Variants in OSBPL10 observed in about 807,000 individuals in gnomAD.
OSBPL10 encodes oxysterol-binding protein-related protein 10.
In OSBPL10, 49 loss-of-function variants were observed where a neutral mutation model predicts 81.7. The observed-to-expected ratio is 0.60, with a 90% CI of 0.48 to 0.76. The LOEUF is 0.76. Ranked by LOEUF, OSBPL10 falls within the 30% of genes least tolerant of loss-of-function variation. The pLI, the probability that OSBPL10 is intolerant of heterozygous loss-of-function variation, is 0.00. For missense variants in OSBPL10, 923 were observed against 987.8 expected (o/e 0.93, Z 0.88); for synonymous variants, 419 against 383.6 (o/e 1.09, Z -1.08).
At chr3:31,968,556 C>A (rs1168067823) in intron 1 of OSBPL10, among the ~76,000 whole-genome samples, 2 of 151,650 alleles carry the variant, frequency 1.3e-5, no homozygotes, top group Non-Finnish European at 2.9e-5. Context: ...ACTTGATTTC[C>A]CAGATACAAG....
intron 1 of OSBPL10, among the ~76,000 whole-genome samples, chr3:31,954,224 C>A (rs1176664926): frequency 6.6e-6 from 1 of 152,190 alleles, no homozygotes; most frequent in Non-Finnish European, 1.5e-5. Context: ...AGAAAGATGG[C>A]TGCCTGGCCA....
At chr3:32,038,405 C>G (rs1393172718) in intron 2 of OSBPL10, among the ~76,000 whole-genome samples, 1 of 152,176 alleles carries the variant, frequency 6.6e-6, no homozygotes, top group African/African-American at 2.4e-5. Flanking sequence ...AGCACAATCT[C>G]CGGCTCCCGG....
chr3:31,688,308 C>CAA (rs1700850854), intron 7 of OSBPL10, among the ~76,000 whole-genome samples: 1 of 151,308 alleles, frequency 6.6e-6, no homozygotes, highest in African/African-American at 2.4e-5. Context: ...CACACACACA[C>CAA]ACACACACAC....
At position 31,683,812 on chromosome 3, in the gene OSBPL10, C is replaced by A. The variant is rs373301817; in HGVS notation, c.1548G>T (p.Met516Ile). ...RSPASCHEHP[M>I]ADDPSKSYKL... ...TGTAGCTTTTGGAAGGGTCATCGGCCATTGGGTGTTCGTGACAGCTGGCAG... is the reference window on the plus strand; with the variant it reads ...TGTAGCTTTTGGAAGGGTCATCGGCAATTGGGTGTTCGTGACAGCTGGCAG... The change falls in exon 8 of 12, where the codon ATG becomes ATT. Residue 516 changes from methionine (M) to isoleucine (I), a missense_variant. Met to Ile is a conservative substitution (Grantham distance 10). Around this residue, in one of 3 missense-constraint regions of OSBPL10, gnomAD observed 387 missense variants for 436.3 expected, o/e 0.89. Coordinates refer to ENST00000396556, the MANE Select transcript of OSBPL10 (RefSeq NM_017784.5). The A allele has an allele frequency of 7.9e-5, 127 of 1,614,190 alleles. No homozygotes were observed. The highest frequency in any genetic ancestry group is 4.2e-4 in the Admixed American group (25 of 60,022).
intron 3 of OSBPL10, among the ~76,000 whole-genome samples, chr3:31,834,217 G>A (rs537187526): frequency 1.2e-4 from 19 of 152,228 alleles, no homozygotes; most frequent in Non-Finnish European, 7.4e-5. Context: ...GCCTATCTTC[G>A]CTATTAATTT....
At chr3:31,926,169 T>G (rs980599606) in intron 1 of OSBPL10, among the ~76,000 whole-genome samples, 2 of 152,190 alleles carry the variant, frequency 1.3e-5, no homozygotes, top group African/African-American at 4.8e-5. Flanking sequence ...TGGAGTTGGC[T>G]TATCAATTGT....
intron 10 of OSBPL10, chr3:31,664,623 T>C (rs1441902162): frequency 4.1e-6 from 1 of 244,638 alleles, no homozygotes; most frequent in East Asian, 1.0e-4. Flanking sequence ...TGATATATTA[T>C]AGACGGTAGA....
At chr3:31,805,050 G>T (rs55995766) in intron 4 of OSBPL10, among the ~76,000 whole-genome samples, 70,512 of 152,018 alleles carry the variant, frequency 0.46, 17,334 homozygotes, top group East Asian at 0.74. Flanking sequence ...AATGTAAAAG[G>T]TGCTCAGGGT....
At chr3:31,701,225 G>A (rs113642632) in intron 7 of OSBPL10, among the ~76,000 whole-genome samples, 1,526 of 152,270 alleles carry the variant, frequency 0.01, 22 homozygotes, top group Middle Eastern at 0.02. Context: ...AGTCCGAGAT[G>A]AGATTGTGGA....
At chr3:31,864,807 C>T (rs1304655441) in intron 3 of OSBPL10, among the ~76,000 whole-genome samples, 1 of 152,086 alleles carries the variant, frequency 6.6e-6, no homozygotes, top group African/African-American at 2.4e-5. Context: ...AACGATTGTT[C>T]GAGCTAGGGA....
chr3:31,744,494 C>T (rs1257444233), intron 5 of OSBPL10, among the ~76,000 whole-genome samples: 2 of 146,298 alleles, frequency 1.4e-5, no homozygotes, highest in African/African-American at 2.5e-5. Context: ...GCCGAGATCG[C>T]GTCACTGCAC....
At chr3:31,700,509 T>C (rs1429093029) in intron 7 of OSBPL10, 2 of 152,192 alleles carry the variant, frequency 1.3e-5, no homozygotes, top group African/African-American at 4.8e-5. Flanking sequence ...AATGAGAATA[T>C]ATCCTACATC....
chr3:31,808,244 G>A (rs1559473831), intron 4 of OSBPL10, among the ~76,000 whole-genome samples: 1 of 152,170 alleles, frequency 6.6e-6, no homozygotes, highest in African/African-American at 2.4e-5. Flanking sequence ...GAAAGGGGGA[G>A]AAAGGACGAG....
At chr3:31,870,624 T>G (rs187827099) in intron 3 of OSBPL10, among the ~76,000 whole-genome samples, 3 of 152,210 alleles carry the variant, frequency 2.0e-5, no homozygotes, top group Non-Finnish European at 4.4e-5. Flanking sequence ...AGCGCAGGGA[T>G]TGTAAATACA....
At chr3:31,816,273 A>C (rs1032831858) in intron 4 of OSBPL10, among the ~76,000 whole-genome samples, 4 of 152,152 alleles carry the variant, frequency 2.6e-5, no homozygotes, top group Non-Finnish European at 4.4e-5. Context: ...CTTTCATGTC[A>C]GTTTAACCAA....
In OSBPL10 at chr3:31,989,747, T is replaced by C; in HGVS notation, n.298+56744A>G. On this transcript the variant is annotated intron_variant and non_coding_transcript_variant, in intron 2 of 3. Transcript: ENST00000479173. ...TCATTACTCACACTAAAACAGGAAG[T>C]ACACATAAGAGAAAAATCTTTCCAA... 3 of 1,614,152 alleles carry C rather than the reference T, an allele frequency of 1.9e-6. No homozygotes were observed. The East Asian group carries it at 6.7e-5, about 36-fold the overall frequency.
intron 3 of OSBPL10, among the ~76,000 whole-genome samples, chr3:31,876,230 G>A (rs546403601): frequency 9.2e-4 from 140 of 152,220 alleles, no homozygotes; most frequent in African/African-American, 3.3e-3. Context: ...TAGTGTCTGC[G>A]TGCCTGCGTA....
chr3:31,943,038 C>A (rs1697581745), intron 1 of OSBPL10, among the ~76,000 whole-genome samples: 1 of 152,160 alleles, frequency 6.6e-6, no homozygotes, highest in Admixed American at 6.5e-5. Context: ...TTGGTATCTT[C>A]TAGTCTACTT....
intron 2 of OSBPL10, chr3:31,988,820 T>C (rs1212370806): frequency 1.7e-5 from 9 of 524,828 alleles, no homozygotes; most frequent in East Asian, 3.2e-5. Context: ...TGGAAGTAGG[T>C]TGTCACCAGT....
Sources: allele counts gnomAD v4.1 joint callset (sites outside exome capture counted in the v4.1 genomes callset), GRCh38; gene constraint gnomAD v4.1.1; regional missense constraint gnomAD v4.1.1; transcripts MANE v1.5; gene names NCBI Gene and HGNC (gene_info 2026-07-23, HGNC 2026-07-21).